The following GUCY1A2 variants were observed in gnomAD, a reference collection of about 807,000 sequenced individuals.
The protein encoded by GUCY1A2 is guanylate cyclase soluble subunit alpha-2.
GUCY1A2 carries 27 observed loss-of-function variants against 63.5 expected under a neutral mutation model. The observed-to-expected ratio is 0.43, with a 90% CI of 0.31 to 0.59. The LOEUF (loss-of-function observed/expected upper bound fraction) is 0.59, where lower values mean the gene tolerates loss of function less well. GUCY1A2 is among the 20% of genes least tolerant of loss of function. GUCY1A2 has a pLI of 0.11. For missense variants in GUCY1A2, 768 were observed against 913.3 expected (o/e 0.84, Z 2.05); for synonymous variants, 364 against 343.5 (o/e 1.06, Z -0.66).
At chr11:106,972,605 T>A (rs1017015809) in intron 3 of GUCY1A2, among the ~76,000 whole-genome samples, 1 of 152,070 alleles carries the variant, frequency 6.6e-6, no homozygotes, top group African/African-American at 2.4e-5. Flanking sequence ...AAAGAAAAGC[T>A]ATGTCTGGAG....
At position 106,914,596 on chromosome 11, in the gene GUCY1A2, TA is replaced by T. The variant is rs558266911; in HGVS notation, c.1206+24863del. Among the ~76,000 whole-genome samples the T allele has an allele frequency of 2.0e-3, 267 of 135,476 alleles. 1 individual carries two copies. The highest frequency in any genetic ancestry group is 0.015 in the Admixed American group (214 of 14,476). The allele number at this position is 135,476 out of a possible 152,430, so 88.9% of individuals were successfully genotyped here. On this transcript the variant is annotated intron_variant, in intron 4 of 7. Coordinates refer to ENST00000526355, the MANE Select transcript of GUCY1A2 (RefSeq NM_000855.3). The stretch of plus-strand genomic sequence containing the variant: ...AGAAATAATTACAAAGAAAATTAAA[TA>T]AAAATAAAAATAATAATCACAAGGA...
chr11:106,710,937 G>T (rs1863106655), intron 6 of GUCY1A2, among the ~76,000 whole-genome samples: 1 of 152,016 alleles, frequency 6.6e-6, no homozygotes, highest in African/African-American at 2.4e-5. Flanking sequence ...CCCTTGTATT[G>T]GGGCTGGAGA....
intron 4 of GUCY1A2, among the ~76,000 whole-genome samples, chr11:106,846,792 T>G (rs1954864): frequency 0.23 from 35,451 of 151,366 alleles, 4,315 homozygotes; most frequent in Non-Finnish European, 0.26. Context: ...AAATAGAAAA[T>G]TATTCAAAGA....
Position 106,972,388 on chromosome 11 carries a change from C to T in GUCY1A2, c.487+6231G>A, listed in dbSNP as rs1022668300. Among the ~76,000 whole-genome samples the T allele has an allele frequency of 4.6e-5, 7 of 151,530 alleles. No individual in the cohort carries two copies. In the East Asian group the frequency reaches 5.8e-4, roughly 13 times the overall value. ...CATTTAAAAAAAACTTAAAGGGAAA[C>T]GAAAAATAAACACCAACCTACTGAA... On this transcript the variant is annotated intron_variant, in intron 3 of 7. Coordinates refer to ENST00000526355, the MANE Select transcript of GUCY1A2 (RefSeq NM_000855.3).
intron 6 of GUCY1A2, among the ~76,000 whole-genome samples, chr11:106,709,561 G>A (rs559006675): frequency 1.4e-5 from 1 of 72,114 alleles, no homozygotes; most frequent in Admixed American, 2.3e-4. Flanking sequence ...ATATAAATAT[G>A]TTATATACGT....
intron 4 of GUCY1A2, among the ~76,000 whole-genome samples, chr11:106,890,706 C>T (rs962297840): frequency 6.6e-6 from 1 of 152,106 alleles, no homozygotes; most frequent in Admixed American, 6.5e-5. Flanking sequence ...GATATAACTG[C>T]AATCTTCACA....
At chr11:106,996,074 A>C (rs1222824866) in intron 1 of GUCY1A2, among the ~76,000 whole-genome samples, 1 of 152,222 alleles carries the variant, frequency 6.6e-6, no homozygotes, top group South Asian at 2.1e-4. Flanking sequence ...CCCTAAATGC[A>C]CTAACTCGAA....
In GUCY1A2 at chr11:106,940,178, C is replaced by A; in HGVS notation, c.488G>T (p.Gly163Val). 1 of 1,419,852 alleles carries A rather than the reference C, an allele frequency of 7.0e-7. No individual in the cohort carries two copies. The highest frequency in any genetic ancestry group is 9.9e-7 in the Non-Finnish European group (1 of 1,014,534). 88.0% of individuals were successfully genotyped at this position (1,419,852 alleles called of 1,614,324 possible). Residue 163 changes from glycine (G) to valine (V), a missense_variant and splice_region_variant, in exon 4 of 8, where the codon GGT becomes GTT. Physicochemically the swap from Gly to Val is moderately radical, Grantham distance 109 (BLOSUM62 -3). Coordinates refer to ENST00000526355, the MANE Select transcript of GUCY1A2 (RefSeq NM_000855.3). ...TTTTTGAATTTCCTCAAACTTCAAA[C>A]CTAGAGGTAAATGGGAAGCAAATGT... The part of the protein sequence containing the change: ...GILQCTANIL[G>V]LKFEEIQKRF...
At chr11:106,849,048 G>T (rs563963440) in intron 4 of GUCY1A2, among the ~76,000 whole-genome samples, 2 of 151,624 alleles carry the variant, frequency 1.3e-5, no homozygotes, top group African/African-American at 4.8e-5. Flanking sequence ...AGATTGTATA[G>T]AGTATCTTTA....
chr11:106,956,517 T>C (rs1860986540), intron 3 of GUCY1A2, among the ~76,000 whole-genome samples: 1 of 152,100 alleles, frequency 6.6e-6, no homozygotes, highest in Admixed American at 6.5e-5. Context: ...TGCTTGTTTT[T>C]CTTTCAATAA....
chr11:106,838,774 C>CT (rs919118572), intron 4 of GUCY1A2, among the ~76,000 whole-genome samples: 4 of 151,732 alleles, frequency 2.6e-5, no homozygotes, highest in Non-Finnish European at 5.9e-5. Flanking sequence ...GCATAAATGT[C>CT]TTTTTTTTGA....
At chr11:106,707,824 A>G (rs972329034) in intron 7 of GUCY1A2, among the ~76,000 whole-genome samples, 3 of 152,148 alleles carry the variant, frequency 2.0e-5, no homozygotes, top group African/African-American at 7.2e-5. Context: ...ATTACCTTTA[A>G]GATAAAAAGA....
chr11:106,869,709 G>A (rs996548263), intron 4 of GUCY1A2, among the ~76,000 whole-genome samples: 9 of 152,050 alleles, frequency 5.9e-5, no homozygotes, highest in East Asian at 1.9e-4. Context: ...GATTCCTCAG[G>A]GATCTAGAGC....
chr11:106,819,659 G>A (rs1388905839), intron 4 of GUCY1A2, among the ~76,000 whole-genome samples: 7 of 152,238 alleles, frequency 4.6e-5, no homozygotes, highest in Admixed American at 2.6e-4. Context: ...ACAGTATAGT[G>A]TGAAAAGAAC....
chr11:107,007,726 C>T (rs1273064047), intron 1 of GUCY1A2, among the ~76,000 whole-genome samples: 2 of 152,156 alleles, frequency 1.3e-5, no homozygotes, highest in African/African-American at 4.8e-5. Context: ...ACTATCCCTC[C>T]CTGTGCCACT....
At chr11:106,827,182 T>A in intron 4 of GUCY1A2, 1 of 1,507,550 alleles carries the variant, frequency 6.6e-7, no homozygotes, top group South Asian at 1.1e-5. Flanking sequence ...TTCATGCCAA[T>A]CTGGTCCCAA....
intron 4 of GUCY1A2, among the ~76,000 whole-genome samples, chr11:106,842,447 C>A (rs1011072772): frequency 2.0e-5 from 3 of 151,992 alleles, no homozygotes; most frequent in African/African-American, 7.2e-5. Flanking sequence ...GACCACTGGA[C>A]TGTCTACTAA....
intron 4 of GUCY1A2, among the ~76,000 whole-genome samples, chr11:106,903,807 C>A (rs1860167561): frequency 6.6e-6 from 1 of 152,112 alleles, no homozygotes. Flanking sequence ...AAATTGTCTA[C>A]AACTGCTTGC....
chr11:106,729,616 G>A (rs1049125123), intron 6 of GUCY1A2, among the ~76,000 whole-genome samples: 28 of 152,200 alleles, frequency 1.8e-4, no homozygotes, highest in East Asian at 5.8e-4. Flanking sequence ...ACACAAGCCA[G>A]CTTATTATTG....
Sources: gnomAD v4.1 joint callset for allele counts (sites outside exome capture counted in the v4.1 genomes callset) on GRCh38, gnomAD v4.1.1 for gene constraint, MANE v1.5 for transcripts, NCBI Gene and HGNC (gene_info 2026-07-23, HGNC 2026-07-21) for gene names.